ZFYVE26: variants seen among roughly 807,000 people sequenced by gnomAD.
ZFYVE26 encodes the protein zinc finger FYVE domain-containing protein 26.
In ZFYVE26, 181 loss-of-function variants were observed where a neutral mutation model predicts 276.5. The ratio of observed to expected loss-of-function variants is 0.65; its 90% CI spans 0.58 to 0.74. The LOEUF is 0.74. ZFYVE26 is among the 30% of genes least tolerant of loss of function. ZFYVE26 has a pLI of 0.00. For missense variants in ZFYVE26, 2,821 were observed against 3,097.9 expected (o/e 0.91, Z 2.12); for synonymous variants, 1,129 against 1,203.1 (o/e 0.94, Z 1.27).
intron 13 of ZFYVE26, chr14:67,735,140 C>T (rs759623605): frequency 2.6e-5 from 22 of 847,440 alleles, no homozygotes; most frequent in South Asian, 4.0e-5. Flanking sequence ...GGTGTTGATT[C>T]GACATGTTGT....
At chr14:67,739,633 T>C (rs1056195185) in intron 13 of ZFYVE26, among the ~76,000 whole-genome samples, 1 of 152,162 alleles carries the variant, frequency 6.6e-6, no homozygotes, top group African/African-American at 2.4e-5. Context: ...AACTTTTTCA[T>C]TACATTTTTC....
downstream of ZFYVE26, among the ~76,000 whole-genome samples, chr14:67,745,878 A>G (rs1257133949): frequency 6.7e-6 from 1 of 149,522 alleles, no homozygotes; most frequent in Non-Finnish European, 1.5e-5. Context: ...ATAAAAAAAA[A>G]TTAGCCAGGC....
intron 34 of ZFYVE26, 69 bp from the exon 35 acceptor site, chr14:67,761,653 C>T: frequency 1.4e-6 from 2 of 1,380,184 alleles, no homozygotes; most frequent in Non-Finnish European, 2.0e-6. Context: ...GAAAATATTG[C>T]TTGCAAAGAA....
In ZFYVE26 at chr14:67,797,664, C is replaced by T. The variant is rs768160820; in HGVS notation, c.2332+8G>A. 6.2e-7 allele frequency: 1 copy of T among 1,613,868 alleles called. No homozygotes were observed. The highest frequency in any genetic ancestry group is 8.5e-7 in the Non-Finnish European group (1 of 1,179,884). On this transcript the variant is annotated splice_region_variant and intron_variant, in intron 12 of 41. Coordinates refer to ENST00000347230, the MANE Select transcript of ZFYVE26 (RefSeq NM_015346.4). ...GCCTAGTGCATGGGAATGAGCTCTTCAGATTACCTGCCTGGCTCCTTCTTG... is the reference window on the plus strand; with the variant it reads ...GCCTAGTGCATGGGAATGAGCTCTTTAGATTACCTGCCTGGCTCCTTCTTG...
At chr14:67,759,195 A>G (rs56082285) in intron 35 of ZFYVE26, among the ~76,000 whole-genome samples, 136,168 of 147,450 alleles carry the variant, frequency 0.92, 63,289 homozygotes, top group Non-Finnish European at 0.98. Context: ...CAGTGAGCCA[A>G]GATCGTGCCA....
Position 67,781,345 on chromosome 14 carries a change from C to A in ZFYVE26, c.4557G>T (p.Gln1519His). The part of the protein sequence containing the change: ...CELQRKLAEL[Q>H]VYQKILGLQS... ...CGAGGGCCCATACCTTCTGATACAC[C>A]TGCAGCTCCGCCAGCTTCCTCTGTA... Residue 1519 changes from glutamine (Q) to histidine (H), a missense_variant, in exon 22 of 42, where the codon CAG becomes CAT. Transcript: ENST00000347230. The A allele has an allele frequency of 6.2e-7, 1 of 1,614,164 alleles. No homozygotes were observed. Among genetic ancestry groups the A allele is most frequent in the East Asian group, 2.2e-5 (1 of 44,884 alleles).
At chr14:67,735,631 A>T (rs889638564) in intron 13 of ZFYVE26, among the ~76,000 whole-genome samples, 2 of 152,206 alleles carry the variant, frequency 1.3e-5, no homozygotes, top group African/African-American at 4.8e-5. Context: ...CTGGATGAGA[A>T]GGGCTCAGGG....
chr14:67,813,935 A>C (rs769078594), intron 3 of ZFYVE26, 51 bp downstream of exon 3: 7 of 1,300,032 alleles, frequency 5.4e-6, no homozygotes, highest in Non-Finnish European at 7.8e-6. Context: ...ACTACTTTCA[A>C]GTTCTTCTCA....
rs770536914 is a variant in ZFYVE26, at chr14:67,762,320, C to T, written c.6252G>A (p.Glu2084=). The change falls in exon 34 of 42, where the codon GAG becomes GAA. Residue 2084 remains glutamate, a synonymous_variant. Coordinates refer to ENST00000347230, the MANE Select transcript of ZFYVE26 (RefSeq NM_015346.4). ...GGGGCTTCAGACAGCGACTGAACTT[C>T]TCCCGTGCAGCAGTGAGGTTCCCGG... The part of the protein sequence containing the change: ...LKAGNLTAAR[E]KFSRCLKPPF... 3.0e-5 allele frequency: 49 copies of T among 1,614,102 alleles called. No individual in the cohort carries two copies. Among genetic ancestry groups the T allele is most frequent in the Non-Finnish European group, 4.0e-5 (47 of 1,180,054 alleles).
rs1404366585 is a variant in ZFYVE26, at chr14:67,805,285, G to T, written c.1203C>A (p.Leu401=). ...HRTQGPGCDE[L]LRDACDGLWA... is the part of the protein sequence containing the mutation. ...ACAACCCATCACAGGCATCCCTGAG[G>T]AGCTCATCACAGCCTGGGCCCTATG... Residue 401 remains leucine, a synonymous_variant, in exon 8 of 42, where the codon CTC becomes CTA. Coordinates refer to ENST00000347230, the MANE Select transcript of ZFYVE26 (RefSeq NM_015346.4). 11 of 1,614,012 alleles carry T rather than the reference G, an allele frequency of 6.8e-6. No homozygotes were observed. Among genetic ancestry groups the T allele is most frequent in the South Asian group, 6.6e-5 (6 of 91,080 alleles).
chr14:67,780,310 G>T lies in ZFYVE26; in HGVS notation c.4605C>A (p.Asp1535Glu), dbSNP rs140552098. Residue 1535 changes from aspartate (D) to glutamate (E), a missense_variant, in exon 23 of 42, where the codon GAC (aspartate) becomes GAA (glutamate). Transcript: ENST00000347230. Reference sequence around the variant, plus strand: ...CACAACAGCTCCTCAAGGTCTGCCAGTCACACCACACTGGGGGAGACTGCA... The same window carrying T: ...CACAACAGCTCCTCAAGGTCTGCCATTCACACCACACTGGGGGAGACTGCA... Reference protein sequence around the residue: ...LGLQSPPVWCDWQTLRSCCVE... With the variant: ...LGLQSPPVWCEWQTLRSCCVE... 24 of 1,613,866 alleles carry T rather than the reference G, an allele frequency of 1.5e-5. No individual in the cohort carries two copies. Among genetic ancestry groups the T allele is most frequent in the African/African-American group, 5.3e-5 (4 of 74,866 alleles).
In ZFYVE26 at chr14:67,772,166, G is replaced by A; in HGVS notation, c.5365C>T (p.Pro1789Ser). 1 of 1,613,210 alleles carries A rather than the reference G, an allele frequency of 6.2e-7. No homozygotes were observed. The highest frequency in any genetic ancestry group is 8.5e-7 in the Non-Finnish European group (1 of 1,179,770). The change falls in exon 28 of 42, where the codon CCA becomes TCA. Residue 1789 changes from proline to serine, a missense_variant. Pro to Ser is a moderately conservative substitution (Grantham distance 74). Coordinates refer to ENST00000347230, the MANE Select transcript of ZFYVE26 (RefSeq NM_015346.4). ...AATTCCTGTGAGGGCTGGGTTGGTG[G>A]GAAACTCCTTTCCCTTAGACTAGGG... ...HSPSLRERSF[P>S]PTQPSQEFVP... is the part of the protein sequence containing the mutation.
chr14:67,774,958 T>C, intron 27 of ZFYVE26, 58 bp downstream of exon 27: 1 of 1,186,736 alleles, frequency 8.4e-7, no homozygotes, highest in Non-Finnish European at 1.2e-6. Context: ...TTCTGAAGGA[T>C]AGAATAAGGC....
At chr14:67,734,409 T>C (rs986279190) in intron 13 of ZFYVE26, 3 of 155,244 alleles carry the variant, frequency 1.9e-5, no homozygotes, top group Admixed American at 1.9e-4. Flanking sequence ...GAGTTCCGTT[T>C]GCCTTTCAAT....
In ZFYVE26 at chr14:67,747,132, G is replaced by A. The variant is rs536807081; in HGVS notation, c.*1304C>T. The stretch of plus-strand genomic sequence containing the variant: ...CCAGTGAGAGGTTCAGAGCTGCAGA[G>A]CTTTCTTTAGGCCCCACATTTGCAA... On this transcript the variant is annotated 3_prime_UTR_variant, in exon 42 of 42. Transcript: ENST00000347230. The A allele has an allele frequency of 1.3e-5, 2 of 152,722 alleles. No homozygotes were observed. The highest frequency in any genetic ancestry group is 4.1e-4 in the South Asian group (2 of 4,822). The allele number at this position is 152,722 out of a possible 1,614,324, so 9.5% of individuals were successfully genotyped here. A position where few individuals can be genotyped will look rare whatever the true frequency, so the allele number is the denominator to read the frequency against.
intron 28 of ZFYVE26, among the ~76,000 whole-genome samples, chr14:67,771,649 C>G (rs2039212079): frequency 6.6e-6 from 1 of 152,172 alleles, no homozygotes; most frequent in African/African-American, 2.4e-5. Context: ...TATAGTCACA[C>G]TGTCATTAAG....
chr14:67,789,372 T>C lies in ZFYVE26; in HGVS notation c.2982A>G (p.Thr994=). ...GGCTACTATTCAAACGCCGTTCGGC[T>C]GTCTCCAAAAGCTGCTTGCAGGTTT... ...LWKTCKQLLE[T]AERRLNSSLE... is the part of the protein sequence containing the mutation. Residue 994 remains threonine, a synonymous_variant, in exon 16 of 42, where the codon ACA becomes ACG. Transcript: ENST00000347230. The C allele has an allele frequency of 1.2e-6, 2 of 1,614,228 alleles. No individual in the cohort carries two copies. The highest frequency in any genetic ancestry group is 1.3e-5 in the African/African-American group (1 of 75,064).
chr14:67,769,781 T>C (rs776321142), intron 28 of ZFYVE26, 51 bp from the exon 29 acceptor site: 2 of 1,609,760 alleles, frequency 1.2e-6, no homozygotes, highest in Admixed American at 1.7e-5. Flanking sequence ...GAAGGGGAGA[T>C]TGCCATCAAT....
chr14:67,772,266 A>T, intron 27 of ZFYVE26, 56 bp from the exon 28 acceptor site: 1 of 1,560,984 alleles, frequency 6.4e-7, no homozygotes, highest in South Asian at 1.2e-5. Context: ...CAGCTTATAG[A>T]TGAAGAGGGA....
Sources: gnomAD v4.1 joint callset for allele counts (sites outside exome capture counted in the v4.1 genomes callset) on GRCh38, gnomAD v4.1.1 for gene constraint, MANE v1.5 for transcripts, NCBI Gene and HGNC (gene_info 2026-07-23, HGNC 2026-07-21) for gene names.